Variants in PHACTR1 observed in about 807,000 individuals in gnomAD.
The protein encoded by PHACTR1 is phosphatase and actin regulator 1.
A neutral mutation model predicts 69.2 loss-of-function variants in PHACTR1; 16 were observed. The observed-to-expected ratio is 0.23, with a 90% CI of 0.16 to 0.35. PHACTR1 has a LOEUF of 0.35. PHACTR1 is among the 10% of genes least tolerant of loss of function. PHACTR1 has a pLI of 1.00. For synonymous variants in PHACTR1, 312 were observed against 284.5 expected (o/e 1.10, Z -0.97); for missense variants, 510 against 734.7 (o/e 0.69, Z 3.54).
At chr6:13,118,325 G>C (rs1422359203) in intron 5 of PHACTR1, among the ~76,000 whole-genome samples, 1 of 152,108 alleles carries the variant, frequency 6.6e-6, no homozygotes, top group African/African-American at 2.4e-5. Context: ...CCTCAGAAAG[G>C]CCAGAACTGT....
At position 12,834,746 on chromosome 6, in the gene PHACTR1, G is replaced by A. The variant is rs115571711; in HGVS notation, c.250+84956G>A. On this transcript the variant is annotated intron_variant, in intron 4 of 14. Coordinates refer to ENST00000332995, the MANE Select transcript of PHACTR1 (RefSeq NM_030948.6). ...TAAAAACAAAACTCAGAGTGTGTAC[G>A]TCCAAATAAATATTTCTCTCAATAT... Among the ~76,000 whole-genome samples the A allele has an allele frequency of 7.0e-3, 1,071 of 152,184 alleles. 17 individuals carry two copies. The highest frequency in any genetic ancestry group is 0.025 in the African/African-American group (1,018 of 41,536).
In PHACTR1 at chr6:12,789,541, C is replaced by T. The variant is rs1034594988; in HGVS notation, c.250+39751C>T. Among the ~76,000 whole-genome samples, 4 of 152,078 alleles carry T rather than the reference C, an allele frequency of 2.6e-5. No homozygotes were observed. In the South Asian group the frequency reaches 8.3e-4, roughly 32 times the overall value. On this transcript the variant is annotated intron_variant, in intron 4 of 14. Coordinates refer to ENST00000332995, the MANE Select transcript of PHACTR1 (RefSeq NM_030948.6). The stretch of plus-strand genomic sequence containing the variant: ...CAAAATTTATATTCTGAGCCCATAA[C>T]ACTCTTCCAGACTCTATACTCACAC...
intron 4 of PHACTR1, among the ~76,000 whole-genome samples, chr6:12,937,039 C>T (rs1276295707): frequency 2.6e-5 from 4 of 152,114 alleles, no homozygotes; most frequent in African/African-American, 9.7e-5. Flanking sequence ...CAGTTTCAGG[C>T]CCCGGTCTTA....
At chr6:12,760,058 A>G (rs1472499129) in intron 4 of PHACTR1, among the ~76,000 whole-genome samples, 10 of 152,250 alleles carry the variant, frequency 6.6e-5, no homozygotes, top group Admixed American at 6.5e-4. Context: ...ATAATGCCTG[A>G]CACATAGTGA....
intron 4 of PHACTR1, among the ~76,000 whole-genome samples, chr6:12,810,438 G>A (rs2127694266): frequency 6.6e-6 from 1 of 152,182 alleles, no homozygotes; most frequent in South Asian, 2.1e-4. Context: ...TGTATATAAG[G>A]CAGAATTTGT....
chr6:12,744,588 C>T (rs1003799603), intron 3 of PHACTR1, among the ~76,000 whole-genome samples: 1 of 152,048 alleles, frequency 6.6e-6, no homozygotes, highest in Non-Finnish European at 1.5e-5. Flanking sequence ...GAAAGGGGTC[C>T]CAATCCAGTC....
Position 12,874,890 on chromosome 6 carries a change from G to A in PHACTR1, c.250+125100G>A, listed in dbSNP as rs528708407. Among the ~76,000 whole-genome samples, 12 of 152,264 alleles carry A rather than the reference G, an allele frequency of 7.9e-5. No individual in the cohort carries two copies. The East Asian group carries it at 1.5e-3, about 20-fold the overall frequency. On this transcript the variant is annotated intron_variant, in intron 4 of 14. Transcript: ENST00000332995. ...CATTTTGAAGGTTGGAGTTGGGAAC[G>A]CCCTCACCCCTCCTTTTATTTGTTA...
At chr6:13,147,879 G>A (rs189797207) in intron 5 of PHACTR1, among the ~76,000 whole-genome samples, 6 of 152,088 alleles carry the variant, frequency 3.9e-5, no homozygotes, top group African/African-American at 9.6e-5. Flanking sequence ...AGTGAACACC[G>A]TGTAACCACT....
rs373786034 is a variant in PHACTR1, at chr6:13,272,826, T to C, written c.1392-34T>C. 1.3e-5 allele frequency: 21 copies of C among 1,613,956 alleles called. No homozygotes were observed. In the African/African-American group the frequency reaches 2.3e-4, roughly 17 times the overall value. On this transcript the variant is annotated intron_variant, in intron 10 of 14. Coordinates refer to ENST00000332995, the MANE Select transcript of PHACTR1 (RefSeq NM_030948.6). ...TTAATGACCCAAGGAGGCTATGATATGGTCCAAAAACTTTTCCTGGATTTT... is the reference window on the plus strand; with the variant it reads ...TTAATGACCCAAGGAGGCTATGATACGGTCCAAAAACTTTTCCTGGATTTT...
At chr6:12,825,796 T>G (rs1776739784) in intron 4 of PHACTR1, among the ~76,000 whole-genome samples, 1 of 152,212 alleles carries the variant, frequency 6.6e-6, no homozygotes, top group Non-Finnish European at 1.5e-5. Context: ...TCTGCTAGGG[T>G]ACTGCCTTTC....
intron 4 of PHACTR1, among the ~76,000 whole-genome samples, chr6:12,954,125 C>G (rs967694001): frequency 2.6e-5 from 4 of 152,010 alleles, no homozygotes; most frequent in African/African-American, 9.7e-5. Flanking sequence ...AAGAACATTC[C>G]AGGCAGACGA....
chr6:12,871,387 C>T (rs1425347299), intron 4 of PHACTR1, among the ~76,000 whole-genome samples: 1 of 152,164 alleles, frequency 6.6e-6, no homozygotes, highest in Non-Finnish European at 1.5e-5. Flanking sequence ...TTCTCATAAT[C>T]ATGATCCTAA....
intron 4 of PHACTR1, among the ~76,000 whole-genome samples, chr6:12,768,851 C>T (rs1769018448): frequency 7.0e-6 from 1 of 143,038 alleles, no homozygotes; most frequent in Non-Finnish European, 1.6e-5. Context: ...CACACACACA[C>T]ACACACACAC....
At chr6:12,764,869 G>T (rs540806816) in intron 4 of PHACTR1, among the ~76,000 whole-genome samples, 1 of 152,072 alleles carries the variant, frequency 6.6e-6, no homozygotes, top group Non-Finnish European at 1.5e-5. Context: ...ATGAAATGAT[G>T]GTCTGAGTGC....
chr6:12,724,380 C>T (rs987372058), intron 3 of PHACTR1, among the ~76,000 whole-genome samples: 1 of 152,098 alleles, frequency 6.6e-6, no homozygotes, highest in African/African-American at 2.4e-5. Flanking sequence ...GTATCAAGGG[C>T]TGCCCCTTGT....
intron 4 of PHACTR1, among the ~76,000 whole-genome samples, chr6:12,880,651 A>T (rs1561974082): frequency 6.6e-6 from 1 of 152,194 alleles, no homozygotes; most frequent in Non-Finnish European, 1.5e-5. Flanking sequence ...CATAAATAAG[A>T]GCCCCAGAAT....
chr6:12,831,021 T>C (rs1441617640), intron 4 of PHACTR1, among the ~76,000 whole-genome samples: 26 of 152,192 alleles, frequency 1.7e-4, no homozygotes, highest in Non-Finnish European at 1.5e-5. Flanking sequence ...AACTGAACTG[T>C]GTGCCTAACA....
At chr6:12,858,075 T>A (rs1458027141) in intron 4 of PHACTR1, among the ~76,000 whole-genome samples, 1 of 152,118 alleles carries the variant, frequency 6.6e-6, no homozygotes, top group Admixed American at 6.5e-5. Flanking sequence ...AGATATGCAA[T>A]CTCCCTGCAA....
chr6:13,097,308 T>G (rs1257993702), intron 5 of PHACTR1, among the ~76,000 whole-genome samples: 1 of 152,242 alleles, frequency 6.6e-6, no homozygotes, highest in Non-Finnish European at 1.5e-5. Flanking sequence ...ACATTATTCT[T>G]GTTGATGCAA....
Sources: allele counts gnomAD v4.1 joint callset (sites outside exome capture counted in the v4.1 genomes callset), GRCh38; gene constraint gnomAD v4.1.1; transcripts MANE v1.5; gene names NCBI Gene and HGNC (gene_info 2026-07-23, HGNC 2026-07-21).